DGKB: variants seen among roughly 807,000 people sequenced by gnomAD.
DGKB encodes diacylglycerol kinase beta.
Under a neutral mutation model 114.3 loss-of-function variants are expected in DGKB, and 67 were observed. That is an observed-to-expected ratio of 0.59 (90% CI 0.48 to 0.72). The LOEUF is 0.72. Ranked by LOEUF, DGKB falls within the 30% of genes least tolerant of loss-of-function variation. The pLI is 0.00. For synonymous variants in DGKB, 398 were observed against 323.1 expected, an observed-to-expected ratio of 1.23 and a Z score of -2.49; for missense variants, 907 against 975.2, an observed-to-expected ratio of 0.93 and a Z score of 0.93.
At chr7:14,232,951 C>T (rs945692246) in intron 23 of DGKB, among the ~76,000 whole-genome samples, 1 of 152,040 alleles carries the variant, frequency 6.6e-6, no homozygotes, top group South Asian at 2.1e-4. Flanking sequence ...ATTTTAAGTT[C>T]TTGACTACAT....
chr7:14,731,249 G>A (rs557455388), intron 5 of DGKB, among the ~76,000 whole-genome samples: 1 of 152,112 alleles, frequency 6.6e-6, no homozygotes. Flanking sequence ...AGTTAGTTTG[G>A]TATCTAACTG....
At chr7:14,463,110 G>A (rs1833329859) in intron 21 of DGKB, among the ~76,000 whole-genome samples, 1 of 151,812 alleles carries the variant, frequency 6.6e-6, no homozygotes, top group South Asian at 2.1e-4. Flanking sequence ...ATTAAAGCTG[G>A]AAACCATCAT....
intron 21 of DGKB, among the ~76,000 whole-genome samples, chr7:14,423,433 CCTAA>C (rs576726092): frequency 2.0e-4 from 31 of 151,924 alleles, no homozygotes; most frequent in Non-Finnish European, 4.0e-4. Context: ...TAAACGGTCT[CCTAA>C]CTATTATACT....
intron 6 of DGKB, among the ~76,000 whole-genome samples, chr7:14,714,720 C>A (rs1450458830): frequency 6.6e-6 from 1 of 151,994 alleles, no homozygotes; most frequent in South Asian, 2.1e-4. Flanking sequence ...GAGCTATAAC[C>A]CAAAGAATTA....
At position 14,936,559 on chromosome 7, in the gene DGKB, G is replaced by A. The variant is rs1302386438; in HGVS notation, c.-188+38137C>T. On this transcript the variant is annotated intron_variant, in intron 1 of 4. Coordinates refer to the DGKB transcript ENST00000437998. ...TGCCTTGCTTTGATTTGTCTATAAT[G>A]ATTTTTCATGTCTTCAAAAAGAAGC... Among the ~76,000 whole-genome samples, 6 of 152,050 alleles carry A rather than the reference G, an allele frequency of 3.9e-5. 1 individual carries two copies. The highest frequency in any genetic ancestry group is 3.9e-4 in the Admixed American group (6 of 15,244).
At position 14,917,262 on chromosome 7, in the gene DGKB, TA is replaced by T. The variant is rs561465327; in HGVS notation, c.-188+57433del. Among the ~76,000 whole-genome samples, 326 of 151,610 alleles carry T rather than the reference TA, an allele frequency of 2.2e-3. 3 individuals are homozygous for T. Among genetic ancestry groups the T allele is most frequent in the South Asian group, 9.8e-3 (47 of 4,804 alleles). On this transcript the variant is annotated intron_variant, in intron 1 of 4. Transcript: ENST00000437998. ...GCTATATAAATGTAAAACAATCAGA[TA>T]AAAAAATAGAAGTTAGAGCAGAGAT...
At chr7:14,598,258 C>G (rs935775958) in intron 17 of DGKB, among the ~76,000 whole-genome samples, 3 of 152,068 alleles carry the variant, frequency 2.0e-5, no homozygotes, top group African/African-American at 7.2e-5. Context: ...ATTACTTGAT[C>G]TTTTGGAAAA....
chr7:14,168,423 G>T (rs78889438), intron 25 of DGKB, among the ~76,000 whole-genome samples: 3 of 152,140 alleles, frequency 2.0e-5, no homozygotes, highest in African/African-American at 4.8e-5. Flanking sequence ...GAGATGTGCC[G>T]ATGTGGCAAA....
At chr7:14,576,493 T>G (rs1311352189) in intron 19 of DGKB, among the ~76,000 whole-genome samples, 1 of 152,036 alleles carries the variant, frequency 6.6e-6, no homozygotes, top group Non-Finnish European at 1.5e-5. Flanking sequence ...CATGTCAGAA[T>G]AAGCTTGATA....
rs1053182304 is a variant in DGKB, at chr7:14,505,896, C to T, written c.1771-27671G>A. ...CCTGTGGATTCCAAAGGCAGGGCAA[C>T]ATTCTTCCATTGTCAGTAGTGTAAT... On this transcript the variant is annotated intron_variant, in intron 20 of 25. Transcript: ENST00000402815. Among the ~76,000 whole-genome samples the T allele has an allele frequency of 1.2e-4, 18 of 152,104 alleles. 1 individual carries two copies. The highest frequency in any genetic ancestry group is 4.3e-4 in the African/African-American group (18 of 41,420).
At chr7:14,589,726 G>C (rs193182978) in intron 17 of DGKB, among the ~76,000 whole-genome samples, 12 of 151,950 alleles carry the variant, frequency 7.9e-5, no homozygotes, top group Admixed American at 5.9e-4. Context: ...AATCATTCTT[G>C]AAATCCTTTC....
At chr7:14,964,917 C>G (rs1206365068) in intron 1 of DGKB, among the ~76,000 whole-genome samples, 1 of 151,904 alleles carries the variant, frequency 6.6e-6, no homozygotes. Context: ...TGGATCATAA[C>G]CCAACAATGA....
At chr7:14,267,842 T>C (rs551334986) in intron 23 of DGKB, among the ~76,000 whole-genome samples, 29 of 152,154 alleles carry the variant, frequency 1.9e-4, no homozygotes, top group Non-Finnish European at 3.8e-4. Context: ...TATAGATAAC[T>C]AGAACATAGG....
Position 14,645,788 on chromosome 7 carries a change from A to C in DGKB, c.1135-15520T>G, listed in dbSNP as rs563852475. 1.7e-4 allele frequency among the ~76,000 whole-genome samples: 26 copies of C among 152,256 alleles called. No individual in the cohort carries two copies. In the South Asian group the frequency reaches 4.8e-3, roughly 28 times the overall value. On this transcript the variant is annotated intron_variant, in intron 13 of 25. Transcript: ENST00000402815. ...AGTAAAGTTTTCTCAGACAAGCAAA[A>C]ACTGAGGGAATTCATCATCACCAGA...
Position 14,624,174 on chromosome 7 carries a change from G to A in DGKB, c.1168-2680C>T, listed in dbSNP as rs1007350858. Among the ~76,000 whole-genome samples, 6 of 152,122 alleles carry A rather than the reference G, an allele frequency of 3.9e-5. No homozygotes were observed. The East Asian group carries it at 5.8e-4, about 15-fold the overall frequency. ...CATATTTAAAATTTAAAAGTTCAAC[G>A]CTTATATTTGAAAATGCATAGCTTG... is the stretch of plus-strand genomic sequence containing the variant. On this transcript the variant is annotated intron_variant, in intron 14 of 25. Coordinates refer to ENST00000402815, the MANE Select transcript of DGKB (RefSeq NM_001350709.2).
chr7:14,222,603 T>A (rs181181280), intron 23 of DGKB, among the ~76,000 whole-genome samples: 6 of 151,586 alleles, frequency 4.0e-5, no homozygotes, highest in Admixed American at 1.3e-4. Flanking sequence ...AGTCTACAGT[T>A]GTTGGCTGGA....
intron 23 of DGKB, chr7:14,192,188 T>C (rs1784407702): frequency 3.7e-6 from 1 of 268,722 alleles, no homozygotes; most frequent in Non-Finnish European, 7.4e-6. Flanking sequence ...TATTTGTAGA[T>C]GTTATAATAT....
intron 21 of DGKB, among the ~76,000 whole-genome samples, chr7:14,352,609 T>A (rs949926255): frequency 6.6e-6 from 1 of 152,180 alleles, no homozygotes; most frequent in African/African-American, 2.4e-5. Flanking sequence ...CCAATCATGT[T>A]AAGAATTGAA....
At chr7:14,949,265 G>A (rs1174421050) in intron 1 of DGKB, among the ~76,000 whole-genome samples, 1 of 151,924 alleles carries the variant, frequency 6.6e-6, no homozygotes, top group Non-Finnish European at 1.5e-5. Flanking sequence ...GCCTAAGCAA[G>A]TGTCAGCATC....
Sources: allele counts gnomAD v4.1 joint callset (sites outside exome capture counted in the v4.1 genomes callset), GRCh38; gene constraint gnomAD v4.1.1; transcripts MANE v1.5; gene names NCBI Gene and HGNC (gene_info 2026-07-23, HGNC 2026-07-21).